Variants in SNTG1 observed in about 807,000 individuals in gnomAD.
SNTG1 encodes the protein syntrophin gamma 1.
SNTG1 carries 39 observed loss-of-function variants against 74.7 expected under a neutral mutation model. That is an observed-to-expected ratio of 0.52 (90% confidence interval 0.40 to 0.68). The LOEUF is 0.68. SNTG1 is among the 30% of genes least tolerant of loss of function. SNTG1 has a pLI of 0.00. For missense variants in SNTG1, 685 were observed against 609.5 expected, an observed-to-expected ratio of 1.12 and a Z score of -1.30; for synonymous variants, 254 against 217.1, an observed-to-expected ratio of 1.17 and a Z score of -1.49.
chr8:49,929,433 A>C (rs1807348601), intron 1 of SNTG1, among the ~76,000 whole-genome samples: 1 of 152,204 alleles, frequency 6.6e-6, no homozygotes, highest in South Asian at 2.1e-4. Flanking sequence ...TTTAGGATTG[A>C]TTATGGGTTC....
At chr8:50,720,481 C>T (rs1325492360) in intron 17 of SNTG1, among the ~76,000 whole-genome samples, 1 of 152,006 alleles carries the variant, frequency 6.6e-6, no homozygotes, top group Non-Finnish European at 1.5e-5. Flanking sequence ...AGATGCAGTC[C>T]CTCCCCTCAA....
intron 1 of SNTG1, among the ~76,000 whole-genome samples, chr8:50,105,155 A>C (rs772195333): frequency 3.9e-5 from 6 of 152,006 alleles, no homozygotes; most frequent in Non-Finnish European, 8.8e-5. Context: ...GGGCTTTTAT[A>C]GTTTTAAGTT....
rs540899063 is a variant in SNTG1 at position 50,120,790 on chromosome 8, C to T, written c.-102-51771C>T. 1.5e-3 allele frequency among the ~76,000 whole-genome samples: 207 copies of T among 142,316 alleles called. 29 individuals are homozygous for T. Among genetic ancestry groups the T allele is most frequent in the African/African-American group, 4.0e-3 (159 of 39,422 alleles). 93.4% of individuals were successfully genotyped at this position (142,316 alleles called of 152,430 possible). ...TTTTATTTTTGGGCCTCATATTTCA[C>T]TTAATCAAAAATTATGTACCAAGTT... is the stretch of plus-strand genomic sequence containing the variant. On this transcript the variant is annotated intron_variant, in intron 1 of 18. Transcript: ENST00000642720.
At chr8:49,989,598 A>G (rs543232824) in intron 1 of SNTG1, among the ~76,000 whole-genome samples, 11 of 152,076 alleles carry the variant, frequency 7.2e-5, no homozygotes, top group African/African-American at 2.6e-4. Flanking sequence ...CCCAACTTAC[A>G]TTATGAGGCG....
At chr8:50,555,303 C>A (rs1173254976) in intron 12 of SNTG1, among the ~76,000 whole-genome samples, 1 of 152,144 alleles carries the variant, frequency 6.6e-6, no homozygotes, top group Non-Finnish European at 1.5e-5. Flanking sequence ...TTTGTTCTTG[C>A]AATCAGTTTC....
At chr8:49,912,553 A>G (rs1377016217) in intron 1 of SNTG1, among the ~76,000 whole-genome samples, 1 of 152,224 alleles carries the variant, frequency 6.6e-6, no homozygotes, top group Non-Finnish European at 1.5e-5. Context: ...TGTCTTATGT[A>G]TGCCATAAAA....
chr8:50,335,806 T>G (rs544669581), intron 2 of SNTG1, among the ~76,000 whole-genome samples: 29 of 148,218 alleles, frequency 2.0e-4, no homozygotes, highest in African/African-American at 6.8e-4. Context: ...AATTCTATGC[T>G]TTTATGTTTT....
At chr8:50,183,412 C>G (rs1307980884) in intron 2 of SNTG1, among the ~76,000 whole-genome samples, 1 of 152,082 alleles carries the variant, frequency 6.6e-6, no homozygotes, top group South Asian at 2.1e-4. Flanking sequence ...CCAGAGTCTC[C>G]GTTTTATAAC....
Position 50,644,063 on chromosome 8 carries a change from T to G in SNTG1, c.850-12846T>G, listed in dbSNP as rs981722044. ...AGAGGGAATCCAACTGTGAGACAGG[T>G]GCCCTGGATGCCGAGGGAAGATAGC... On this transcript the variant is annotated intron_variant, in intron 13 of 18. Coordinates refer to ENST00000642720, the MANE Select transcript of SNTG1 (RefSeq NM_018967.5). The G allele has an allele frequency of 2.6e-5, 4 of 152,204 alleles. No homozygotes were observed. The South Asian group carries it at 6.2e-4, about 24-fold the overall frequency. 9.4% of individuals were successfully genotyped at this position (152,204 alleles called of 1,614,324 possible).
chr8:50,358,486 G>A (rs558142569), intron 2 of SNTG1, among the ~76,000 whole-genome samples: 9 of 152,108 alleles, frequency 5.9e-5, no homozygotes, highest in Non-Finnish European at 1.0e-4. Context: ...TGGGATGGAT[G>A]GCCTTGGACA....
At chr8:50,131,696 T>A (rs538477044) in intron 1 of SNTG1, among the ~76,000 whole-genome samples, 20 of 152,274 alleles carry the variant, frequency 1.3e-4, no homozygotes, top group African/African-American at 4.6e-4. Context: ...TTTGTGGATA[T>A]ATACTCAGAA....
chr8:50,163,075 A>G (rs923900740), intron 1 of SNTG1, among the ~76,000 whole-genome samples: 4 of 152,116 alleles, frequency 2.6e-5, no homozygotes, highest in African/African-American at 9.7e-5. Context: ...TCCATAAGCA[A>G]CTGGCTAGGT....
intron 1 of SNTG1, among the ~76,000 whole-genome samples, chr8:49,957,731 G>T (rs1482249559): frequency 3.9e-5 from 6 of 152,122 alleles, no homozygotes; most frequent in African/African-American, 1.4e-4. Context: ...AGAGTTGACC[G>T]AAAGGGGTGA....
chr8:50,600,300 A>G (rs2094763227), intron 13 of SNTG1, among the ~76,000 whole-genome samples: 1 of 152,114 alleles, frequency 6.6e-6, no homozygotes, highest in Admixed American at 6.6e-5. Context: ...GTATGAGGGA[A>G]AACTGTCCTT....
At chr8:50,657,411 A>C (rs1171582296) in intron 14 of SNTG1, among the ~76,000 whole-genome samples, 2 of 152,160 alleles carry the variant, frequency 1.3e-5, no homozygotes, top group Non-Finnish European at 2.9e-5. Context: ...AAAAAGAATA[A>C]ACTGTTTTAG....
At chr8:50,501,571 G>T (rs2093955751) in intron 8 of SNTG1, among the ~76,000 whole-genome samples, 1 of 150,306 alleles carries the variant, frequency 6.7e-6, no homozygotes, top group African/African-American at 2.4e-5. Context: ...GAGTAGCTAG[G>T]ATTACAGACG....
chr8:50,361,715 C>T (rs557547158), intron 2 of SNTG1, among the ~76,000 whole-genome samples: 1 of 152,038 alleles, frequency 6.6e-6, no homozygotes, highest in East Asian at 1.9e-4. Context: ...CCTTTATAAT[C>T]TTACGGGACC....
At chr8:49,915,555 A>G (rs1805953767) in intron 1 of SNTG1, among the ~76,000 whole-genome samples, 1 of 152,210 alleles carries the variant, frequency 6.6e-6, no homozygotes, top group African/African-American at 2.4e-5. Context: ...CTGACACCAC[A>G]TTCTATATCA....
chr8:50,122,206 A>G (rs1464530608), intron 1 of SNTG1, among the ~76,000 whole-genome samples: 1 of 142,110 alleles, frequency 7.0e-6, no homozygotes. Context: ...GCCTTTGAAT[A>G]AATGTAAAAA....
Sources: gnomAD v4.1 joint callset for allele counts (sites outside exome capture counted in the v4.1 genomes callset) on GRCh38, gnomAD v4.1.1 for gene constraint, MANE v1.5 for transcripts, NCBI Gene and HGNC (gene_info 2026-07-23, HGNC 2026-07-21) for gene names.